Variants in GSDME observed in about 807,000 individuals in gnomAD.
GSDME encodes the protein gasdermin-E.
Under a neutral mutation model 47.5 loss-of-function variants are expected in GSDME, and 44 were observed. The observed-to-expected ratio is 0.93, with a 90% CI of 0.73 to 1.19. The LOEUF is 1.19. GSDME is among the 50% of genes most tolerant of loss of function. The pLI is 0.00. For missense variants in GSDME, 663 were observed against 604.2 expected (o/e 1.10, Z -1.02); for synonymous variants, 258 against 252.8 (o/e 1.02, Z -0.20).
Position 24,705,998 on chromosome 7 carries a change from A to C in GSDME, c.1183+186T>G, listed in dbSNP as rs555426339. ...AGGCTTGTGCTGGATGGAAAGGCAC[A>C]GACTCGAGACCGAAGGGGGGTTTCC... is the stretch of plus-strand genomic sequence containing the variant. On this transcript the variant is annotated intron_variant, in intron 8 of 9. Transcript: ENST00000645220. The surrounding 1 kb of genome is among the most constrained non-coding windows in gnomAD (Gnocchi z 4.1). 1 of 722,122 alleles carries C rather than the reference A, an allele frequency of 1.4e-6. No homozygotes were observed. Among genetic ancestry groups the C allele is most frequent in the African/African-American group, 1.7e-5 (1 of 57,570 alleles). The allele number at this position is 722,122 out of a possible 1,614,324, so 44.7% of individuals were successfully genotyped here.
rs1472046662 is a variant in GSDME, at chr7:24,745,664, G to A, written c.212-910C>T. 2.0e-5 allele frequency among the ~76,000 whole-genome samples: 3 copies of A among 152,034 alleles called. No homozygotes were observed. Among genetic ancestry groups the A allele is most frequent in the Admixed American group, 6.5e-5 (1 of 15,272 alleles). On this transcript the variant is annotated intron_variant, in intron 2 of 9. Coordinates refer to ENST00000645220, the MANE Select transcript of GSDME (RefSeq NM_001127453.2). This position sits in a 1 kb window ranked among gnomAD's most constrained non-coding sequence, Gnocchi z 4.4. ...CACATTTGTAATCCCAGCAATTTAGGAGGCTGAGGCAGGAGGATCCCTTGA... is the reference window on the plus strand; with the variant it reads ...CACATTTGTAATCCCAGCAATTTAGAAGGCTGAGGCAGGAGGATCCCTTGA...
At position 24,733,232 on chromosome 7, in the gene GSDME, G is replaced by A. The variant is rs967402350; in HGVS notation, c.404+11330C>T. Among the ~76,000 whole-genome samples the A allele has an allele frequency of 7.9e-5, 12 of 152,084 alleles. No homozygotes were observed. The highest frequency in any genetic ancestry group is 2.9e-4 in the African/African-American group (12 of 41,402). On this transcript the variant is annotated intron_variant, in intron 3 of 9. Transcript: ENST00000645220. The surrounding 1 kb of genome is among the most constrained non-coding windows in gnomAD (Gnocchi z 4.3). ...GTTGTGACAGGATTCTTGTTCTTCTGACTAAAGAGCCCTGGGCCCTGCATG... is the reference window on the plus strand; with the variant it reads ...GTTGTGACAGGATTCTTGTTCTTCTAACTAAAGAGCCCTGGGCCCTGCATG...
the GSDME span, among the ~76,000 whole-genome samples, chr7:24,791,927 C>T: frequency 2.6e-5 from 4 of 152,158 alleles, no homozygotes; most frequent in East Asian, 3.9e-4. This position sits in a 1 kb window ranked among gnomAD's most constrained non-coding sequence, Gnocchi z 4.8. Context: ...GGATGGCCCT[C>T]GGGGGCTGAC....
chr7:24,700,843 C>T (rs1252936382), intron 9 of GSDME, among the ~76,000 whole-genome samples: 1 of 152,226 alleles, frequency 6.6e-6, no homozygotes, highest in African/African-American at 2.4e-5. Flanking sequence ...AACAGCATGG[C>T]AGGCTCCCTG....
chr7:24,701,786 C>T (rs1312100849), intron 9 of GSDME, among the ~76,000 whole-genome samples: 1 of 152,210 alleles, frequency 6.6e-6, no homozygotes, highest in Non-Finnish European at 1.5e-5. Context: ...CATGCATGTT[C>T]CTCTGGGCCT....
chr7:24,772,582 T>TA, the GSDME span, among the ~76,000 whole-genome samples: 1 of 152,214 alleles, frequency 6.6e-6, no homozygotes. This position sits in a 1 kb window ranked among gnomAD's most constrained non-coding sequence, Gnocchi z 4.5. Flanking sequence ...GGCTGTGGGT[T>TA]AGAGTTAACT....
At chr7:24,785,234 G>T in the GSDME span, among the ~76,000 whole-genome samples, 1 of 152,142 alleles carries the variant, frequency 6.6e-6, no homozygotes, top group African/African-American at 2.4e-5. Context: ...CATGTGGTCT[G>T]CAGAGCCTAA....
chr7:24,760,447 T>C (rs1386093556), upstream of GSDME, among the ~76,000 whole-genome samples: 1 of 152,214 alleles, frequency 6.6e-6, no homozygotes, highest in African/African-American at 2.4e-5. The surrounding 1 kb of genome is among the most constrained non-coding windows in gnomAD (Gnocchi z 4.2). Flanking sequence ...GCCTACCACT[T>C]ACCAGCTGAG....
intron 9 of GSDME, among the ~76,000 whole-genome samples, chr7:24,701,783 G>A (rs1375037532): frequency 6.6e-6 from 1 of 152,212 alleles, no homozygotes; most frequent in Admixed American, 6.5e-5. Context: ...AAGCATGCAT[G>A]TTCCTCTGGG....
rs1234604960 is a variant in GSDME at position 24,718,956 on chromosome 7, CT to C, written c.576+90del. 2.1e-6 allele frequency: 3 copies of C among 1,416,164 alleles called. No homozygotes were observed. In the African/African-American group the frequency reaches 4.3e-5, roughly 20 times the overall value. The allele number at this position is 1,416,164 out of a possible 1,614,324, so 87.7% of individuals were successfully genotyped here. A position where few individuals can be genotyped will look rare whatever the true frequency, so the allele number is the denominator to read the frequency against. On this transcript the variant is annotated intron_variant, in intron 4 of 9. Coordinates refer to ENST00000645220, the MANE Select transcript of GSDME (RefSeq NM_001127453.2). Reference sequence around the variant, plus strand: ...CTGTTAACTTGCTACGGAAAGAGTCCTGACTAATGAAGACACCACCCAAAGA... The same window carrying C: ...CTGTTAACTTGCTACGGAAAGAGTCCGACTAATGAAGACACCACCCAAAGA...
At chr7:24,753,721 CAAAT>C (rs1403952167) in intron 1 of GSDME, among the ~76,000 whole-genome samples, 1 of 152,154 alleles carries the variant, frequency 6.6e-6, no homozygotes, top group Non-Finnish European at 1.5e-5. Flanking sequence ...TATTTTAAAA[CAAAT>C]AAAATCAAGC....
rs1277664420 is a variant in GSDME, at chr7:24,733,320, A to AC, written c.404+11241dup. Among the ~76,000 whole-genome samples the AC allele has an allele frequency of 6.6e-6, 1 of 152,064 alleles. No individual in the cohort carries two copies. Among genetic ancestry groups the AC allele is most frequent in the Admixed American group, 6.6e-5 (1 of 15,260 alleles). ...TTGGGTGAGACTCTGAGACATGCTG[A>AC]CCCAGCTGTGGTCAGGTGTGACTCG... is the stretch of plus-strand genomic sequence containing the variant. On this transcript the variant is annotated intron_variant, in intron 3 of 9. Transcript: ENST00000645220. This position sits in a 1 kb window ranked among gnomAD's most constrained non-coding sequence, Gnocchi z 4.3.
At position 24,748,162 on chromosome 7, in the gene GSDME, A is replaced by AT. The variant is rs1237163749; in HGVS notation, c.211+1401dup. On this transcript the variant is annotated intron_variant, in intron 2 of 9. Coordinates refer to ENST00000645220, the MANE Select transcript of GSDME (RefSeq NM_001127453.2). ...ATATAGAGTATATATATATATATATATATATATTTTTTTTTGAGATGGAAT... is the reference window on the plus strand; with the variant it reads ...ATATAGAGTATATATATATATATATATTATATATTTTTTTTTGAGATGGAAT... 7.7e-3 allele frequency among the ~76,000 whole-genome samples: 757 copies of AT among 97,760 alleles called. 8 individuals are homozygous for AT. Among genetic ancestry groups the AT allele is most frequent in the African/African-American group, 0.045 (715 of 15,962 alleles). The allele number at this position is 97,760 out of a possible 152,430, so 64.1% of individuals were successfully genotyped here. A position where few individuals can be genotyped will look rare whatever the true frequency, so the allele number is the denominator to read the frequency against.
intron 3 of GSDME, among the ~76,000 whole-genome samples, chr7:24,719,600 C>T (rs1345526921): frequency 6.6e-6 from 1 of 151,720 alleles, no homozygotes; most frequent in Non-Finnish European, 1.5e-5. Flanking sequence ...CGAGACCAGC[C>T]TGGCCAACAT....
the GSDME span, among the ~76,000 whole-genome samples, chr7:24,764,508 C>A: frequency 6.6e-6 from 1 of 152,188 alleles, no homozygotes; most frequent in African/African-American, 2.4e-5. The surrounding 1 kb of genome is among the most constrained non-coding windows in gnomAD (Gnocchi z 4.4). Context: ...CACACAGGGA[C>A]TTCAGAAATC....
At chr7:24,758,374 C>CA (rs920893112), upstream of GSDME, among the ~76,000 whole-genome samples, 1 of 152,252 alleles carries the variant, frequency 6.6e-6, no homozygotes, top group African/African-American at 2.4e-5. The surrounding 1 kb of genome is among the most constrained non-coding windows in gnomAD (Gnocchi z 4.6). Context: ...GTCTCCTTGC[C>CA]AGTTGACTGG....
At chr7:24,730,741 G>A (rs777177670) in intron 3 of GSDME, among the ~76,000 whole-genome samples, 3 of 152,174 alleles carry the variant, frequency 2.0e-5, no homozygotes, top group Non-Finnish European at 2.9e-5. Flanking sequence ...CTTGAACCCA[G>A]GAAGCGGAGG....
rs150265952 is a variant in GSDME, at chr7:24,719,047, C to G, written c.576G>C (p.Gln192His). The G allele has an allele frequency of 1.1e-5, 18 of 1,612,246 alleles. No individual in the cohort carries two copies. Among genetic ancestry groups the G allele is most frequent in the Non-Finnish European group, 1.5e-5 (18 of 1,179,990 alleles). Reference protein sequence around the residue: ...GIVGIQTKTVQVSATEDGNVT... With the variant: ...GIVGIQTKTVHVSATEDGNVT... ...CGCAGGGCAGCCCGACTGCACGCAC[C>G]TGCACCGTCTTGGTCTGGATGCCCA... The change falls in exon 4 of 10, where the codon CAG becomes CAC. Residue 192 changes from glutamine (Q) to histidine (H), a missense_variant and splice_region_variant. By Grantham distance (24) the Gln-to-His change is conservative. Coordinates refer to ENST00000645220, the MANE Select transcript of GSDME (RefSeq NM_001127453.2).
At chr7:24,708,329 T>C in intron 6 of GSDME, 75 bp from the exon 7 acceptor site, 1 of 1,559,374 alleles carries the variant, frequency 6.4e-7, no homozygotes, top group East Asian at 2.3e-5. Flanking sequence ...ACTCCTGCTT[T>C]TTATACCTAA....
Sources: allele counts gnomAD v4.1 joint callset (sites outside exome capture counted in the v4.1 genomes callset), GRCh38; gene constraint gnomAD v4.1.1; non-coding constraint Gnocchi (gnomAD v3.1); transcripts MANE v1.5; gene names NCBI Gene and HGNC (gene_info 2026-07-23, HGNC 2026-07-21).